VBP1: variants seen among roughly 807,000 people sequenced by gnomAD.
VBP1 encodes the protein VHL binding protein 1.
In VBP1, 4 loss-of-function variants were observed where a neutral mutation model predicts 15.5. The observed-to-expected ratio is 0.26, with a 90% confidence interval of 0.13 to 0.59. VBP1 has a LOEUF of 0.59. Ranked by LOEUF, VBP1 falls within the 20% of genes least tolerant of loss-of-function variation. The pLI is 0.90. For missense variants in VBP1, 108 were observed against 139.6 expected (o/e 0.77, Z 1.14); for synonymous variants, 61 against 52.1 (o/e 1.17, Z -0.74).
chrX:155,208,109 T>G (rs2074632140), intron 1 of VBP1, among the ~76,000 whole-genome samples: 2 of 112,189 alleles, frequency 1.8e-5, no homozygotes, highest in Non-Finnish European at 3.8e-5. Context: ...TGGTAAGCCA[T>G]GCCAAGGAGT....
chrX:155,202,610 A>C (rs1268525836), intron 1 of VBP1, among the ~76,000 whole-genome samples: 3 of 107,628 alleles, frequency 2.8e-5, no homozygotes, highest in African/African-American at 1.0e-4. Context: ...AATTAATTCA[A>C]GATGGAGTAA....
intron 2 of VBP1, among the ~76,000 whole-genome samples, chrX:155,209,813 A>G (rs1484915569): frequency 1.8e-5 from 2 of 112,038 alleles, no homozygotes; most frequent in Non-Finnish European, 3.8e-5. Flanking sequence ...TTTTGTATTA[A>G]AATATTTGTA....
chrX:155,231,338 C>A (rs1665499410), intron 4 of VBP1, among the ~76,000 whole-genome samples: 1 of 112,175 alleles, frequency 8.9e-6, no homozygotes, highest in Admixed American at 9.4e-5. Context: ...TCTTCACACT[C>A]AATCCTTTGA....
chrX:155,233,731 G>T (rs1262542894), intron 4 of VBP1, among the ~76,000 whole-genome samples: 1 of 111,837 alleles, frequency 8.9e-6, no homozygotes, highest in Non-Finnish European at 1.9e-5. Flanking sequence ...TGCGGTGGGG[G>T]TGCTGGTGGT....
At chrX:155,200,756 A>G (rs1356502542) in intron 1 of VBP1, among the ~76,000 whole-genome samples, 4 of 108,640 alleles carry the variant, frequency 3.7e-5, no homozygotes, top group Non-Finnish European at 7.6e-5. Context: ...AAATAACTAA[A>G]ATCAGAGCAG....
chrX:155,198,952 C>G (rs1441612622), intron 1 of VBP1, among the ~76,000 whole-genome samples: 1 of 111,528 alleles, frequency 9.0e-6, no homozygotes, highest in African/African-American at 3.3e-5. Context: ...TCGAGAACTA[C>G]GTGAAGAATG....
rs782727282 is a variant in VBP1 at position 155,236,267 on chromosome X, G to A, written c.423G>A (p.Gln141=). The change falls in exon 5 of 6, where the codon CAG becomes CAA. Residue 141 remains glutamine, a synonymous_variant. Coordinates refer to ENST00000286428, the MANE Select transcript of VBP1 (RefSeq NM_003372.7). ...TTGAATATGATATTGATGAAGCTCA[G>A]GCATTGTTGGAAAAGAATTTATCGA... The part of the protein sequence containing the change: ...VMLEYDIDEA[Q]ALLEKNLSTA... The A allele has an allele frequency of 8.3e-6, 10 of 1,208,983 alleles. No individual in the cohort carries two copies. The highest frequency in any genetic ancestry group is 1.1e-5 in the Non-Finnish European group (10 of 894,576).
At chrX:155,216,120 A>C (rs1557308971), upstream of VBP1, among the ~76,000 whole-genome samples, 1 of 110,105 alleles carries the variant, frequency 9.1e-6, no homozygotes, top group African/African-American at 3.3e-5. Flanking sequence ...TCCAGAGGCC[A>C]TTGCGAAGGC....
upstream of VBP1, among the ~76,000 whole-genome samples, chrX:155,214,111 G>A (rs1283929989): frequency 1.8e-5 from 2 of 112,524 alleles, no homozygotes; most frequent in Non-Finnish European, 3.8e-5. Flanking sequence ...ATAAAATGAG[G>A]CAATATTTTT....
At chrX:155,235,091 C>A (rs2074765315) in intron 4 of VBP1, among the ~76,000 whole-genome samples, 1 of 107,947 alleles carries the variant, frequency 9.3e-6, no homozygotes, top group Non-Finnish European at 1.9e-5. Flanking sequence ...TTTTGCGTGT[C>A]ATTTCACCCA....
intron 1 of VBP1, among the ~76,000 whole-genome samples, chrX:155,218,739 C>T (rs1394465229): frequency 9.0e-6 from 1 of 111,723 alleles, no homozygotes; most frequent in Non-Finnish European, 1.9e-5. Flanking sequence ...AAGCGTTTCA[C>T]ATATGCTAAC....
intron 1 of VBP1, among the ~76,000 whole-genome samples, chrX:155,203,238 G>T (rs1179012196): frequency 9.0e-6 from 1 of 111,003 alleles, no homozygotes; most frequent in African/African-American, 3.3e-5. Context: ...AATACCATTT[G>T]ACCCAGCCAT....
chrX:155,200,129 A>C lies in VBP1; in HGVS notation c.-31+2990A>C, dbSNP rs868971020. 8.3e-5 allele frequency among the ~76,000 whole-genome samples: 8 copies of C among 96,942 alleles called. No individual in the cohort carries two copies. In the South Asian group the frequency reaches 3.3e-3, roughly 40 times the overall value. 84.2% of individuals were successfully genotyped at this position (96,942 alleles called of 115,157 possible). A position where few individuals can be genotyped will look rare whatever the true frequency, so the allele number is the denominator to read the frequency against. On this transcript the variant is annotated intron_variant, in intron 1 of 6. Transcript: ENST00000535916. Reference sequence around the variant, plus strand: ...TAAAGCAAGTCCTGAGTGACCTACAAAGAGACTTAGACTCCCAAACAATAA... The same window carrying C: ...TAAAGCAAGTCCTGAGTGACCTACACAGAGACTTAGACTCCCAAACAATAA...
At chrX:155,197,352 G>A (rs1423465347) in intron 1 of VBP1, among the ~76,000 whole-genome samples, 4 of 111,436 alleles carry the variant, frequency 3.6e-5, no homozygotes, top group African/African-American at 1.3e-4. Context: ...ATAATTAGAT[G>A]TCTTTAAACC....
At chrX:155,211,880 C>G (rs980043899), upstream of VBP1, among the ~76,000 whole-genome samples, 1 of 111,782 alleles carries the variant, frequency 8.9e-6, no homozygotes, top group Non-Finnish European at 1.9e-5. Context: ...ATGTCTCAAA[C>G]CCTTGAGTTT....
At chrX:155,224,309 A>G (rs1557310002) in intron 2 of VBP1, among the ~76,000 whole-genome samples, 4 of 112,168 alleles carry the variant, frequency 3.6e-5, no homozygotes, top group Admixed American at 1.9e-4. Context: ...CAGCCTGGGC[A>G]CCATTGAGCA....
At chrX:155,238,549 G>C (rs140467587) in intron 5 of VBP1, among the ~76,000 whole-genome samples, 2,453 of 111,587 alleles carry the variant, frequency 0.022, 28 homozygotes, top group Non-Finnish European at 0.033. Flanking sequence ...GTAAACAATG[G>C]GTTAACAATT....
At chrX:155,224,647 T>G (rs1343731236) in intron 2 of VBP1, among the ~76,000 whole-genome samples, 2 of 111,980 alleles carry the variant, frequency 1.8e-5, no homozygotes, top group Non-Finnish European at 3.8e-5. Flanking sequence ...TTGTATGTGT[T>G]GTAAATCTTG....
At chrX:155,212,009 C>A (rs1037855017), upstream of VBP1, among the ~76,000 whole-genome samples, 24 of 112,199 alleles carry the variant, frequency 2.1e-4, no homozygotes, top group South Asian at 7.3e-4. Context: ...TCCATTCAAT[C>A]TACTTAATAA....
Sources: allele counts gnomAD v4.1 joint callset (sites outside exome capture counted in the v4.1 genomes callset), GRCh38; gene constraint gnomAD v4.1.1; transcripts MANE v1.5; gene names NCBI Gene and HGNC (gene_info 2026-07-23, HGNC 2026-07-21).